The following NR2F1-AS1 variants were observed in gnomAD, a reference collection of about 807,000 sequenced individuals.
NR2F1-AS1 encodes the protein NR2F1 antisense RNA 1.
chr5:93,485,992 T>C (rs1389163398), intron 4 of NR2F1-AS1, among the ~76,000 whole-genome samples: 2 of 134,218 alleles, frequency 1.5e-5, no homozygotes, highest in African/African-American at 2.8e-5. Flanking sequence ...AAATCATCAT[T>C]CTCAGTAAAC....
At chr5:93,572,275 C>G (rs1752787886) in intron 1 of NR2F1-AS1, among the ~76,000 whole-genome samples, 1 of 152,224 alleles carries the variant, frequency 6.6e-6, no homozygotes, top group East Asian at 1.9e-4. Flanking sequence ...GCAGCGGAAC[C>G]CCCCTGTTCC....
intron 4 of NR2F1-AS1, among the ~76,000 whole-genome samples, chr5:93,492,662 C>A (rs1475720163): frequency 1.3e-5 from 2 of 152,056 alleles, no homozygotes; most frequent in African/African-American, 4.8e-5. Context: ...CCAAATCCAA[C>A]AGCATATTTT....
chr5:93,540,904 G>A (rs1269586444), intron 4 of NR2F1-AS1, among the ~76,000 whole-genome samples: 1 of 152,162 alleles, frequency 6.6e-6, no homozygotes, highest in African/African-American at 2.4e-5. Context: ...GTACATGAGT[G>A]CTTATGATGA....
At chr5:93,459,023 A>G (rs1030683757) in intron 4 of NR2F1-AS1, among the ~76,000 whole-genome samples, 2 of 152,118 alleles carry the variant, frequency 1.3e-5, no homozygotes, top group Admixed American at 1.3e-4. Context: ...AAAAAGAAAA[A>G]AAAAGAAAAT....
At chr5:93,483,715 C>G (rs1478737669) in intron 4 of NR2F1-AS1, among the ~76,000 whole-genome samples, 3 of 152,074 alleles carry the variant, frequency 2.0e-5, no homozygotes, top group African/African-American at 7.2e-5. Flanking sequence ...AAAGGTTAGA[C>G]GAATTGCTAA....
chr5:93,547,315 T>C (rs769913224), intron 4 of NR2F1-AS1, among the ~76,000 whole-genome samples: 11 of 152,260 alleles, frequency 7.2e-5, no homozygotes, highest in Non-Finnish European at 1.3e-4. Flanking sequence ...TACATGTCGC[T>C]GTAGACCATT....
rs999060467 is a variant in NR2F1-AS1 at position 93,550,632 on chromosome 5, T to C, written n.638+3129A>G. 2.6e-5 allele frequency among the ~76,000 whole-genome samples: 4 copies of C among 152,364 alleles called. No individual in the cohort carries two copies. The South Asian group carries it at 6.2e-4, about 24-fold the overall frequency. The stretch of plus-strand genomic sequence containing the variant: ...AGAAAATCATTCTAAAGACTTTTTT[T>C]AATCTGAAAAATAACATCATCACTG... On this transcript the variant is annotated intron_variant and non_coding_transcript_variant, in intron 4 of 5. Transcript: ENST00000660523.
chr5:93,438,335 T>C (rs1211265370), intron 4 of NR2F1-AS1, among the ~76,000 whole-genome samples: 1 of 152,146 alleles, frequency 6.6e-6, no homozygotes, highest in Non-Finnish European at 1.5e-5. Flanking sequence ...TACTTTCCCT[T>C]TTACTTTCTC....
chr5:93,516,999 A>G (rs73133268), intron 4 of NR2F1-AS1, among the ~76,000 whole-genome samples: 2,987 of 152,064 alleles, frequency 0.02, 115 homozygotes, highest in African/African-American at 0.069. Flanking sequence ...GTTAATACAA[A>G]CTATTATATA....
chr5:93,521,294 T>C (rs1751497001), intron 4 of NR2F1-AS1, among the ~76,000 whole-genome samples: 1 of 152,012 alleles, frequency 6.6e-6, no homozygotes, highest in African/African-American at 2.4e-5. Context: ...AATACCATCC[T>C]GGACATAGGA....
chr5:93,463,482 G>GT (rs1471431795), intron 4 of NR2F1-AS1, among the ~76,000 whole-genome samples: 1 of 152,222 alleles, frequency 6.6e-6, no homozygotes, highest in African/African-American at 2.4e-5. Flanking sequence ...CCCACAGAGA[G>GT]TCCCCACTGG....
chr5:93,511,284 T>C (rs1235210563), intron 4 of NR2F1-AS1, among the ~76,000 whole-genome samples: 2 of 152,170 alleles, frequency 1.3e-5, no homozygotes, highest in Non-Finnish European at 2.9e-5. Flanking sequence ...CACAGCTTTC[T>C]GCTTCCTGCC....
chr5:93,430,207 C>CG (rs1186605474), intron 4 of NR2F1-AS1, among the ~76,000 whole-genome samples: 1 of 152,144 alleles, frequency 6.6e-6, no homozygotes, highest in African/African-American at 2.4e-5. Context: ...CTCAAAGTGG[C>CG]GGGGGATGTC....
chr5:93,430,550 T>C (rs1749289645), intron 4 of NR2F1-AS1, among the ~76,000 whole-genome samples: 1 of 152,206 alleles, frequency 6.6e-6, no homozygotes, highest in African/African-American at 2.4e-5. Context: ...TAAAAATATA[T>C]CAAAAAATAC....
chr5:93,569,255 A>G (rs1752687860), intron 1 of NR2F1-AS1, among the ~76,000 whole-genome samples: 1 of 152,186 alleles, frequency 6.6e-6, no homozygotes, highest in South Asian at 2.1e-4. Flanking sequence ...TAGAAAATTA[A>G]CCTTCTTAAA....
At chr5:93,474,362 C>G (rs1750436088) in intron 4 of NR2F1-AS1, among the ~76,000 whole-genome samples, 5 of 152,162 alleles carry the variant, frequency 3.3e-5, no homozygotes, top group Admixed American at 3.3e-4. Context: ...AGTATACTGC[C>G]TATAACAGTA....
In NR2F1-AS1 at chr5:93,434,756, C is replaced by T. The variant is rs572807351; in HGVS notation, n.639-39214G>A. 3.9e-5 allele frequency among the ~76,000 whole-genome samples: 6 copies of T among 152,278 alleles called. No individual in the cohort carries two copies. The East Asian group carries it at 5.8e-4, about 15-fold the overall frequency. ...ATCATCCTTTCATTGTCTTTCACAACATTGACCTTTGTAAATAGTACATGC... is the reference window on the plus strand; with the variant it reads ...ATCATCCTTTCATTGTCTTTCACAATATTGACCTTTGTAAATAGTACATGC... On this transcript the variant is annotated intron_variant and non_coding_transcript_variant, in intron 4 of 5. Coordinates refer to ENST00000660523, the Ensembl canonical transcript of NR2F1-AS1.
intron 4 of NR2F1-AS1, among the ~76,000 whole-genome samples, chr5:93,502,724 T>C (rs1751109977): frequency 6.6e-6 from 1 of 152,070 alleles, no homozygotes; most frequent in African/African-American, 2.4e-5. Flanking sequence ...GGAAAAAGTT[T>C]TCTATAACCA....
chr5:93,443,143 C>A (rs1449768049), intron 4 of NR2F1-AS1, among the ~76,000 whole-genome samples: 1 of 152,208 alleles, frequency 6.6e-6, no homozygotes, highest in East Asian at 1.9e-4. Context: ...CTCTTCTCTT[C>A]CAAAGGAATG....
Sources: allele counts gnomAD v4.1 joint callset (sites outside exome capture counted in the v4.1 genomes callset), GRCh38; gene constraint gnomAD v4.1.1; transcripts MANE v1.5; gene names NCBI Gene and HGNC (gene_info 2026-07-23, HGNC 2026-07-21).